The following GRIA2 variants were observed in gnomAD, a reference collection of about 807,000 sequenced individuals.
GRIA2 encodes the protein glutamate ionotropic receptor AMPA type subunit 2, also known as glutamate receptor 2.
A neutral mutation model predicts 97.3 loss-of-function variants in GRIA2; 14 were observed. The ratio of observed to expected loss-of-function variants is 0.14; its 90% CI spans 0.10 to 0.23. The LOEUF (loss-of-function observed/expected upper bound fraction) is 0.23, where lower values mean the gene tolerates loss of function less well. GRIA2 is among the 10% of genes least tolerant of loss of function. The pLI, the probability that GRIA2 is intolerant of heterozygous loss-of-function variation, is 1.00. For synonymous variants in GRIA2, 412 were observed against 387.8 expected (o/e 1.06, Z -0.73); for missense variants, 558 against 1,069.8 (o/e 0.52, Z 6.67).
rs527968873 is a variant in GRIA2, at chr4:157,363,761, A to T, written c.*330A>T. ...GTAAGGAATGATTAATTAAAACACA[A>T]CATCTTTTTCTACTCGAGTTACAGA... On this transcript the variant is annotated 3_prime_UTR_variant, in exon 16 of 16. Coordinates refer to ENST00000264426, the MANE Select transcript of GRIA2 (RefSeq NM_001083619.3). 2 of 397,964 alleles carry T rather than the reference A, an allele frequency of 5.0e-6. No homozygotes were observed. Among genetic ancestry groups the T allele is most frequent in the Non-Finnish European group, 8.8e-6 (2 of 227,392 alleles). 24.7% of individuals were successfully genotyped at this position (397,964 alleles called of 1,614,324 possible). A position where few individuals can be genotyped will look rare whatever the true frequency, so the allele number is the denominator to read the frequency against.
chr4:157,230,091 T>C (rs1395457656), intron 2 of GRIA2, among the ~76,000 whole-genome samples: 5 of 152,120 alleles, frequency 3.3e-5, no homozygotes, highest in African/African-American at 1.2e-4. Context: ...AGCATAAATT[T>C]AATGGAAACT....
chr4:157,342,372 A>G (rs938205303), intron 12 of GRIA2: 8 of 984,928 alleles, frequency 8.1e-6, no homozygotes, highest in Middle Eastern at 5.2e-4. Flanking sequence ...TGAAGATACT[A>G]TGGGAGAAAG....
At chr4:157,309,966 G>A (rs1319909143) in intron 3 of GRIA2, among the ~76,000 whole-genome samples, 1 of 152,170 alleles carries the variant, frequency 6.6e-6, no homozygotes, top group Non-Finnish European at 1.5e-5. Context: ...AGGTGACAAG[G>A]GGGAGTTGAA....
At position 157,314,742 on chromosome 4, in the gene GRIA2, G is replaced by A. The variant is rs1049700057; in HGVS notation, c.666+1867G>A. 1.1e-4 allele frequency among the ~76,000 whole-genome samples: 16 copies of A among 152,206 alleles called. 1 individual carries two copies. Among genetic ancestry groups the A allele is most frequent in the Admixed American group, 6.5e-4 (10 of 15,280 alleles). ...TAAGTGATGTTTTGATTACATAAAC[G>A]TCCATATGGACATCTATTCAAAATG... On this transcript the variant is annotated intron_variant, in intron 4 of 15. Coordinates refer to ENST00000264426, the MANE Select transcript of GRIA2 (RefSeq NM_001083619.3).
intron 2 of GRIA2, among the ~76,000 whole-genome samples, chr4:157,265,596 T>C (rs1731735084): frequency 6.6e-6 from 1 of 152,128 alleles, no homozygotes; most frequent in African/African-American, 2.4e-5. Context: ...TGCATTCTAT[T>C]GGCTAAGCCT....
intron 2 of GRIA2, among the ~76,000 whole-genome samples, chr4:157,292,119 C>G (rs1214919163): frequency 6.6e-6 from 1 of 151,640 alleles, no homozygotes. Context: ...TCATCCTAAG[C>G]AAAATGCTAA....
At chr4:157,222,004 A>G (rs1729519930) in intron 2 of GRIA2, among the ~76,000 whole-genome samples, 197 bp downstream of exon 2, 1 of 151,828 alleles carries the variant, frequency 6.6e-6, no homozygotes, top group Non-Finnish European at 1.5e-5. Context: ...CTGGCTGGAG[A>G]GGGCTGAAGA....
At chr4:157,324,242 C>G (rs1423262588) in intron 6 of GRIA2, among the ~76,000 whole-genome samples, 4 of 152,036 alleles carry the variant, frequency 2.6e-5, no homozygotes, top group African/African-American at 9.7e-5. Flanking sequence ...TATGAGGTCC[C>G]TGAAGCTCAA....
At chr4:157,322,159 A>G (rs891183859) in intron 6 of GRIA2, among the ~76,000 whole-genome samples, 1 of 152,016 alleles carries the variant, frequency 6.6e-6, no homozygotes, top group African/African-American at 2.4e-5. Flanking sequence ...GCCAACTTGC[A>G]GACAGTTCTT....
chr4:157,226,379 T>C (rs1032015382), intron 2 of GRIA2, among the ~76,000 whole-genome samples: 1 of 152,144 alleles, frequency 6.6e-6, no homozygotes, highest in African/African-American at 2.4e-5. Context: ...TTCAAAATGC[T>C]GTCTTAAAAA....
intron 2 of GRIA2, among the ~76,000 whole-genome samples, chr4:157,280,513 C>G (rs1732545980): frequency 6.6e-6 from 1 of 152,008 alleles, no homozygotes; most frequent in Non-Finnish European, 1.5e-5. Context: ...TTTGATTTCT[C>G]ATGATTGTGT....
chr4:157,359,990 G>A lies in GRIA2; in HGVS notation c.2138G>A (p.Arg713Lys). Reference protein sequence around the residue: ...FVRTTAEGVARVRKSKGKYAY... With the variant: ...FVRTTAEGVAKVRKSKGKYAY... ...AGGACTACGGCCGAAGGGGTGGCTA[G>A]AGTGCGGAAGTCCAAAGGGAAATAT... Residue 713 changes from arginine (R) to lysine (K), a missense_variant, in exon 13 of 16, where the codon AGA becomes AAA. Physicochemically the swap from Arg to Lys is conservative, Grantham distance 26. Coordinates refer to ENST00000264426, the MANE Select transcript of GRIA2 (RefSeq NM_001083619.3). 6.2e-7 allele frequency: 1 copy of A among 1,613,948 alleles called. No homozygotes were observed. Among genetic ancestry groups the A allele is most frequent in the Non-Finnish European group, 8.5e-7 (1 of 1,179,932 alleles).
Position 157,361,574 on chromosome 4 carries a change from G to A in GRIA2, c.2406+450G>A. 1 of 1,611,966 alleles carries A rather than the reference G, an allele frequency of 6.2e-7. No homozygotes were observed. Among genetic ancestry groups the A allele is most frequent in the Admixed American group, 1.7e-5 (1 of 59,968 alleles). On this transcript the variant is annotated intron_variant, in intron 14 of 15. Transcript: ENST00000264426. The surrounding 1 kb of genome is among the most constrained non-coding windows in gnomAD (Gnocchi z 5.2). ...ATCTTGCAGTATTGAAACTCAGTGA[G>A]CAAGGCGTCTTAGACAAGCTGAAAA...
chr4:157,295,250 A>G (rs980769032), intron 2 of GRIA2, among the ~76,000 whole-genome samples: 1 of 152,128 alleles, frequency 6.6e-6, no homozygotes, highest in Non-Finnish European at 1.5e-5. Flanking sequence ...AGAAAGAAAA[A>G]TGTATTATTA....
At chr4:157,360,615 G>A in intron 13 of GRIA2, 4 of 441,938 alleles carry the variant, frequency 9.1e-6, no homozygotes, top group South Asian at 6.8e-5. Context: ...ATACTTTGGG[G>A]AAAGGAAAAT....
chr4:157,361,606 G>A lies in GRIA2; in HGVS notation c.2406+482G>A. ...GTCTTAGACAAGCTGAAAAACAAATGGTGGTACGATAAAGGTGAATGTGGA... is the reference window on the plus strand; with the variant it reads ...GTCTTAGACAAGCTGAAAAACAAATAGTGGTACGATAAAGGTGAATGTGGA... On this transcript the variant is annotated intron_variant, in intron 14 of 15. Transcript: ENST00000264426. The surrounding 1 kb of genome is among the most constrained non-coding windows in gnomAD (Gnocchi z 5.2). 6.2e-7 allele frequency: 1 copy of A among 1,613,130 alleles called. No individual in the cohort carries two copies. Among genetic ancestry groups the A allele is most frequent in the Non-Finnish European group, 8.5e-7 (1 of 1,179,272 alleles).
In GRIA2 at chr4:157,291,734, A is replaced by T. The variant is rs567367920; in HGVS notation, c.230-11818A>T. 9.9e-5 allele frequency among the ~76,000 whole-genome samples: 15 copies of T among 152,106 alleles called. No individual in the cohort carries two copies. The South Asian group carries it at 3.1e-3, about 31-fold the overall frequency. Reference sequence around the variant, plus strand: ...TACAAAGCTAAGGAGAAATAATTTCACAAAGTAGAAAGTTCCAAAAGTGAG... The same window carrying T: ...TACAAAGCTAAGGAGAAATAATTTCTCAAAGTAGAAAGTTCCAAAAGTGAG... On this transcript the variant is annotated intron_variant, in intron 2 of 15. Coordinates refer to ENST00000264426, the MANE Select transcript of GRIA2 (RefSeq NM_001083619.3).
intron 2 of GRIA2, among the ~76,000 whole-genome samples, chr4:157,238,577 A>G (rs576378959): frequency 1.4e-4 from 21 of 152,256 alleles, no homozygotes; most frequent in Admixed American, 5.9e-4. Context: ...TGTAAACTTC[A>G]TAGCTTCATA....
chr4:157,319,531 A>G (rs1429239265), intron 5 of GRIA2, among the ~76,000 whole-genome samples: 1 of 152,138 alleles, frequency 6.6e-6, no homozygotes, highest in Non-Finnish European at 1.5e-5. Context: ...TTTCTTTGCC[A>G]TATGGAACTT....
Sources: allele counts gnomAD v4.1 joint callset (sites outside exome capture counted in the v4.1 genomes callset), GRCh38; gene constraint gnomAD v4.1.1; non-coding constraint Gnocchi (gnomAD v3.1); transcripts MANE v1.5; gene names NCBI Gene and HGNC (gene_info 2026-07-23, HGNC 2026-07-21).